The following DLG2 variants were observed in gnomAD, a reference collection of about 807,000 sequenced individuals.
DLG2 encodes disks large homolog 2.
In DLG2, 45 loss-of-function variants were observed where a neutral mutation model predicts 132.5. The ratio of observed to expected loss-of-function variants is 0.34; its 90% CI spans 0.27 to 0.44. The LOEUF (loss-of-function observed/expected upper bound fraction) is 0.44, where lower values mean the gene tolerates loss of function less well. Ranked by LOEUF, DLG2 falls within the 20% of genes least tolerant of loss-of-function variation. The pLI, the probability that DLG2 is intolerant of heterozygous loss-of-function variation, is 1.00. For synonymous variants in DLG2, 424 were observed against 419.6 expected (o/e 1.01, Z -0.13); for missense variants, 1,045 against 1,196.9 (o/e 0.87, Z 1.87).
intron 6 of DLG2, among the ~76,000 whole-genome samples, chr11:84,975,193 CTATCCAT>C (rs1161132925): frequency 6.6e-6 from 1 of 152,154 alleles, no homozygotes; most frequent in Non-Finnish European, 1.5e-5. Context: ...TACTATTTAT[CTATCCAT>C]TATCCATTTT....
intron 18 of DLG2, among the ~76,000 whole-genome samples, chr11:83,753,866 C>CAT (rs56158440): frequency 0.5 from 14,351 of 28,986 alleles, 2,797 homozygotes; most frequent in Admixed American, 0.58. Flanking sequence ...ATATATATTT[C>CAT]ATATATATGA....
intron 3 of DLG2, among the ~76,000 whole-genome samples, chr11:85,578,892 A>G (rs2078333088): frequency 6.6e-6 from 1 of 152,258 alleles, no homozygotes; most frequent in Non-Finnish European, 1.5e-5. Flanking sequence ...TATATACCCA[A>G]AAGAATATAA....
At chr11:83,561,883 C>CTTTTTTTT (rs66514406) in intron 19 of DLG2, among the ~76,000 whole-genome samples, 23 of 87,940 alleles carry the variant, frequency 2.6e-4, no homozygotes, top group East Asian at 6.9e-4. Flanking sequence ...GTATTTCTTT[C>CTTTTTTTT]TTTTTTTTTT....
At chr11:84,639,954 AAAATTTT>A (rs1236102548) in intron 6 of DLG2, 1 of 197,244 alleles carries the variant, frequency 5.1e-6, no homozygotes, top group Non-Finnish European at 1.0e-5. Context: ...TTTCAATTCT[AAAATTTT>A]TGCTTCACTC....
At chr11:85,534,960 T>C (rs1317757757) in intron 3 of DLG2, among the ~76,000 whole-genome samples, 1 of 152,218 alleles carries the variant, frequency 6.6e-6, no homozygotes, top group African/African-American at 2.4e-5. Flanking sequence ...TCACCAATAG[T>C]GTATTAGCGT....
chr11:85,072,104 T>C (rs2065939290), intron 6 of DLG2, among the ~76,000 whole-genome samples: 1 of 151,906 alleles, frequency 6.6e-6, no homozygotes, highest in Non-Finnish European at 1.5e-5. Flanking sequence ...CCCTCTTCAG[T>C]TCATTGTCCT....
chr11:83,936,467 T>C (rs986229309), intron 14 of DLG2, among the ~76,000 whole-genome samples: 1 of 152,196 alleles, frequency 6.6e-6, no homozygotes, highest in African/African-American at 2.4e-5. Context: ...CATCAGATTG[T>C]TGGGTCATAA....
chr11:85,318,097 A>G (rs1011256010), intron 3 of DLG2, among the ~76,000 whole-genome samples: 13 of 151,840 alleles, frequency 8.6e-5, no homozygotes, highest in Non-Finnish European at 1.3e-4. Context: ...TAGTATCCAA[A>G]GTCAAAAAAA....
chr11:83,723,578 G>A (rs2089264967), intron 18 of DLG2, among the ~76,000 whole-genome samples: 1 of 152,158 alleles, frequency 6.6e-6, no homozygotes, highest in South Asian at 2.1e-4. Context: ...TGGGGGGCCA[G>A]AAATAGTGGC....
At chr11:84,803,642 C>CT (rs1566006589) in intron 6 of DLG2, among the ~76,000 whole-genome samples, 1 of 152,264 alleles carries the variant, frequency 6.6e-6, no homozygotes, top group East Asian at 1.9e-4. Context: ...AAAAGCTTGC[C>CT]TTTTTGAGGA....
At chr11:84,302,904 T>C (rs2098172005) in intron 7 of DLG2, among the ~76,000 whole-genome samples, 1 of 151,846 alleles carries the variant, frequency 6.6e-6, no homozygotes, top group Admixed American at 6.6e-5. Flanking sequence ...TTGGCCAACG[T>C]GGTCAAAACG....
intron 7 of DLG2, among the ~76,000 whole-genome samples, chr11:84,265,536 G>A (rs1045759966): frequency 6.6e-6 from 1 of 152,098 alleles, no homozygotes; most frequent in African/African-American, 2.4e-5. Context: ...AACCATTTCT[G>A]ATCCTGGCCA....
chr11:83,600,235 G>GT (rs2058305949), intron 19 of DLG2, among the ~76,000 whole-genome samples: 1 of 119,820 alleles, frequency 8.3e-6, no homozygotes, highest in Non-Finnish European at 1.7e-5. Flanking sequence ...GCTAGCTATA[G>GT]GGTGTGTGTG....
intron 18 of DLG2, among the ~76,000 whole-genome samples, chr11:83,768,856 TG>T (rs1239418385): frequency 6.6e-6 from 1 of 152,236 alleles, no homozygotes. Flanking sequence ...ATCTGGCTGT[TG>T]GCCCCCTCTT....
intron 6 of DLG2, among the ~76,000 whole-genome samples, chr11:84,565,102 C>T (rs572313793): frequency 6.6e-6 from 1 of 151,926 alleles, no homozygotes; most frequent in African/African-American, 2.4e-5. Context: ...CCTTCAAACT[C>T]AAAAATAAAA....
At chr11:85,266,774 C>T (rs1239976984) in intron 4 of DLG2, among the ~76,000 whole-genome samples, 1 of 152,076 alleles carries the variant, frequency 6.6e-6, no homozygotes, top group Non-Finnish European at 1.5e-5. Flanking sequence ...ATTTTGTACG[C>T]CCACTTTGCT....
At chr11:83,851,357 G>T (rs1159992441) in intron 16 of DLG2, among the ~76,000 whole-genome samples, 5 of 152,128 alleles carry the variant, frequency 3.3e-5, no homozygotes, top group Admixed American at 1.3e-4. Context: ...GGGCGGGGTG[G>T]CTCATGCCTA....
intron 6 of DLG2, among the ~76,000 whole-genome samples, chr11:84,661,280 A>T (rs1206154810): frequency 6.6e-6 from 1 of 152,144 alleles, no homozygotes; most frequent in Non-Finnish European, 1.5e-5. Flanking sequence ...AATAAAAATG[A>T]AGGCTGAAAG....
At chr11:84,886,028 T>A (rs1460886957) in intron 6 of DLG2, among the ~76,000 whole-genome samples, 1 of 152,086 alleles carries the variant, frequency 6.6e-6, no homozygotes, top group African/African-American at 2.4e-5. Flanking sequence ...GGGATCTTGT[T>A]TCCATGGGGC....
Sources: gnomAD v4.1 joint callset for allele counts (sites outside exome capture counted in the v4.1 genomes callset) on GRCh38, gnomAD v4.1.1 for gene constraint, MANE v1.5 for transcripts, NCBI Gene and HGNC (gene_info 2026-07-23, HGNC 2026-07-21) for gene names.